The following KIAA1549L variants were observed in gnomAD, a reference collection of about 807,000 sequenced individuals.
KIAA1549L encodes the protein KIAA1549 like, also known as UPF0606 protein KIAA1549L.
Under a neutral mutation model 160.7 loss-of-function variants are expected in KIAA1549L, and 88 were observed. The ratio of observed to expected loss-of-function variants is 0.55; its 90% CI spans 0.46 to 0.65. The LOEUF (loss-of-function observed/expected upper bound fraction) is 0.65. KIAA1549L is among the 30% of genes least tolerant of loss of function. KIAA1549L has a pLI of 0.00. For missense variants in KIAA1549L, 2,258 were observed against 2,437.5 expected (o/e 0.93, Z 1.55); for synonymous variants, 950 against 976.7 (o/e 0.97, Z 0.51).
intron 10 of KIAA1549L, among the ~76,000 whole-genome samples, chr11:33,580,607 A>G (rs914520244): frequency 7.5e-6 from 1 of 133,374 alleles, no homozygotes; most frequent in African/African-American, 3.3e-5. Flanking sequence ...GAAAAGAAAA[A>G]AAAAGCCACT....
chr11:33,495,880 A>C (rs1298393122), intron 1 of KIAA1549L, among the ~76,000 whole-genome samples: 1 of 151,864 alleles, frequency 6.6e-6, no homozygotes, highest in East Asian at 1.9e-4. Flanking sequence ...ATGGCCAGTG[A>C]TGGTGAGCAT....
At chr11:33,455,141 G>A (rs751092382) in intron 1 of KIAA1549L, among the ~76,000 whole-genome samples, 59 of 152,222 alleles carry the variant, frequency 3.9e-4, no homozygotes, top group Non-Finnish European at 1.8e-4. Context: ...AAACCGTTTA[G>A]CAAAACAAAG....
chr11:33,460,989 A>G (rs1168736888), intron 1 of KIAA1549L, among the ~76,000 whole-genome samples: 3 of 152,112 alleles, frequency 2.0e-5, no homozygotes, highest in East Asian at 3.9e-4. Flanking sequence ...CTTTTTATTT[A>G]TCTGTATTTT....
At chr11:33,448,565 A>G (rs1320981107) in intron 1 of KIAA1549L, among the ~76,000 whole-genome samples, 1 of 152,098 alleles carries the variant, frequency 6.6e-6, no homozygotes, top group East Asian at 1.9e-4. Context: ...GTCTGTGATG[A>G]GAATAGGTTG....
At chr11:33,487,402 CTT>C (rs112165825) in intron 1 of KIAA1549L, among the ~76,000 whole-genome samples, 9 of 85,544 alleles carry the variant, frequency 1.1e-4, no homozygotes, top group African/African-American at 1.4e-4. Context: ...GTCTATTGTT[CTT>C]TTTTTTTTTT....
chr11:33,514,326 G>A (rs1021909980), intron 1 of KIAA1549L, among the ~76,000 whole-genome samples: 3 of 152,174 alleles, frequency 2.0e-5, no homozygotes, highest in Admixed American at 6.5e-5. Context: ...TGGAGAATTC[G>A]TTTCCCAGAA....
chr11:33,604,191 G>T (rs902530098), intron 13 of KIAA1549L, among the ~76,000 whole-genome samples: 1 of 152,148 alleles, frequency 6.6e-6, no homozygotes. Flanking sequence ...CATATCTGTG[G>T]GTAAGGAATT....
chr11:33,428,735 A>G (rs1241893420), intron 1 of KIAA1549L, among the ~76,000 whole-genome samples: 1 of 152,162 alleles, frequency 6.6e-6, no homozygotes, highest in Non-Finnish European at 1.5e-5. Flanking sequence ...AGTCTTTGCT[A>G]TTGTGAATAG....
intron 1 of KIAA1549L, among the ~76,000 whole-genome samples, chr11:33,433,643 C>T (rs1316496710): frequency 6.6e-6 from 1 of 152,100 alleles, no homozygotes; most frequent in African/African-American, 2.4e-5. Flanking sequence ...TGCATACATA[C>T]ATTTATTGCA....
intron 1 of KIAA1549L, among the ~76,000 whole-genome samples, chr11:33,480,170 A>G (rs1852379140): frequency 6.6e-6 from 1 of 152,164 alleles, no homozygotes; most frequent in Non-Finnish European, 1.5e-5. Flanking sequence ...TTACAAGTTC[A>G]TTTCCACAAT....
chr11:33,568,348 C>A, intron 9 of KIAA1549L, 121 bp downstream of exon 9: 1 of 898,810 alleles, frequency 1.1e-6, no homozygotes, highest in Non-Finnish European at 1.6e-6. Context: ...ACTGACTAAG[C>A]CATTTTATCA....
At chr11:33,605,971 T>C (rs1850488249) in intron 13 of KIAA1549L, among the ~76,000 whole-genome samples, 1 of 152,242 alleles carries the variant, frequency 6.6e-6, no homozygotes, top group Non-Finnish European at 1.5e-5. Context: ...GAAGGGAGGA[T>C]TAATTTAACA....
At chr11:33,399,680 G>T (rs1389600479) in intron 1 of KIAA1549L, among the ~76,000 whole-genome samples, 1 of 152,142 alleles carries the variant, frequency 6.6e-6, no homozygotes, top group Non-Finnish European at 1.5e-5. Context: ...GTTTATTTTG[G>T]CTTTGCACGC....
chr11:33,587,108 A>C (rs904508599), intron 11 of KIAA1549L, among the ~76,000 whole-genome samples: 1 of 152,234 alleles, frequency 6.6e-6, no homozygotes, highest in Non-Finnish European at 1.5e-5. Flanking sequence ...GGATTAAGTT[A>C]ATATATATAC....
chr11:33,576,178 G>A (rs1052734911), intron 10 of KIAA1549L, among the ~76,000 whole-genome samples: 4 of 152,206 alleles, frequency 2.6e-5, no homozygotes, highest in Admixed American at 1.3e-4. Flanking sequence ...CTATGGGTTT[G>A]CTTTCCTAGC....
chr11:33,658,089 G>A lies in KIAA1549L; in HGVS notation c.5859-661G>A, dbSNP rs552065336. On this transcript the variant is annotated intron_variant, in intron 18 of 20. Transcript: ENST00000658780. Reference sequence around the variant, plus strand: ...TTTGGAAAAACCAGGAGATGCCCACGTCTACAGAGCCTAGGCTGCCCTCTT... The same window carrying A: ...TTTGGAAAAACCAGGAGATGCCCACATCTACAGAGCCTAGGCTGCCCTCTT... Among the ~76,000 whole-genome samples the A allele has an allele frequency of 7.9e-5, 12 of 152,358 alleles. No homozygotes were observed. In the South Asian group the frequency reaches 1.0e-3, roughly 13 times the overall value.
At chr11:33,616,559 A>T (rs1327003420) in intron 15 of KIAA1549L, among the ~76,000 whole-genome samples, 1 of 152,194 alleles carries the variant, frequency 6.6e-6, no homozygotes, top group Non-Finnish European at 1.5e-5. Flanking sequence ...AAGGCAACAG[A>T]TGCTCTTTGA....
intron 16 of KIAA1549L, among the ~76,000 whole-genome samples, chr11:33,619,836 T>A (rs1331575857): frequency 6.6e-6 from 1 of 152,226 alleles, no homozygotes; most frequent in African/African-American, 2.4e-5. Flanking sequence ...ATATTTCCTA[T>A]GCGAAATTCA....
intron 1 of KIAA1549L, among the ~76,000 whole-genome samples, chr11:33,416,148 C>T (rs576634232): frequency 4.6e-4 from 70 of 152,242 alleles, no homozygotes; most frequent in African/African-American, 1.6e-3. Flanking sequence ...CCCTGAGTTA[C>T]GCGTCCTGAA....
Sources: gnomAD v4.1 joint callset for allele counts (sites outside exome capture counted in the v4.1 genomes callset) on GRCh38, gnomAD v4.1.1 for gene constraint, MANE v1.5 for transcripts, NCBI Gene and HGNC (gene_info 2026-07-23, HGNC 2026-07-21) for gene names.